BRCA2: variants seen among roughly 807,000 people sequenced by gnomAD.
The protein encoded by BRCA2 is breast cancer type 2 susceptibility protein.
In BRCA2, 203 loss-of-function variants were observed where a neutral mutation model predicts 276.7. That is an observed-to-expected ratio of 0.73 (90% CI 0.65 to 0.82). BRCA2 has a LOEUF of 0.82. BRCA2 is among the 40% of genes least tolerant of loss of function. The pLI is 0.00. For missense variants in BRCA2, 3,920 were observed against 3,915.0 expected (o/e 1.00, Z -0.03); for synonymous variants, 1,289 against 1,338.4 (o/e 0.96, Z 0.81).
intron 9 of BRCA2, among the ~76,000 whole-genome samples, chr13:32,331,556 G>A (rs766261567): frequency 5.9e-5 from 9 of 152,120 alleles, no homozygotes; most frequent in Non-Finnish European, 1.2e-4. Flanking sequence ...GAGTGAGACC[G>A]TGTCTCAATG....
At chr13:32,367,074 A>G (rs904459396) in intron 18 of BRCA2, among the ~76,000 whole-genome samples, 2 of 152,306 alleles carry the variant, frequency 1.3e-5, no homozygotes, top group African/African-American at 4.8e-5. Flanking sequence ...TGTCATGTCA[A>G]AAGGACTTAG....
chr13:32,333,538 C>A, intron 10 of BRCA2, 151 bp downstream of exon 10: 2 of 901,336 alleles, frequency 2.2e-6, no homozygotes, highest in Non-Finnish European at 3.3e-6. Flanking sequence ...CTTTAATTAC[C>A]AGTGTTTAGA....
Position 32,319,433 on chromosome 13 carries a change from A to G in BRCA2, c.316+108A>G, listed in dbSNP as rs115376548. On this transcript the variant is annotated intron_variant, in intron 3 of 26. Coordinates refer to ENST00000380152, the MANE Select transcript of BRCA2 (RefSeq NM_000059.4). Reference sequence around the variant, plus strand: ...TTAATTGTGTCATGCTGGGCAAATCAGTCTCTCTGGCCTCTTTTTCCTCAC... The same window carrying G: ...TTAATTGTGTCATGCTGGGCAAATCGGTCTCTCTGGCCTCTTTTTCCTCAC... The G allele has an allele frequency of 1.5e-3, 1,770 of 1,141,980 alleles. 22 individuals carry two copies. The African/African-American group carries it at 0.024, about 16-fold the overall frequency. The allele number at this position is 1,141,980 out of a possible 1,614,324, so 70.7% of individuals were successfully genotyped here.
Position 32,369,218 on chromosome 13 carries a change from AT to A in BRCA2, c.8332-1173del, listed in dbSNP as rs200007569. 0.044 allele frequency among the ~76,000 whole-genome samples: 6,197 copies of A among 141,472 alleles called. 212 individuals are homozygous for A. Among genetic ancestry groups the A allele is most frequent in the South Asian group, 0.12 (545 of 4,430 alleles). 92.8% of individuals were successfully genotyped at this position (141,472 alleles called of 152,430 possible). On this transcript the variant is annotated intron_variant, in intron 18 of 26. Transcript: ENST00000380152. The stretch of plus-strand genomic sequence containing the variant: ...CCCTCCAGAAAATAAAGTCTCCTGC[AT>A]TTTTTTTTTTAATGCTGCAGCAAGA...
chr13:32,381,465 G>A (rs2072923929), intron 24 of BRCA2, among the ~76,000 whole-genome samples: 1 of 152,132 alleles, frequency 6.6e-6, no homozygotes. Flanking sequence ...TTTGAGTGAA[G>A]CTTGAAGGAA....
intron 24 of BRCA2, among the ~76,000 whole-genome samples, chr13:32,387,197 A>G (rs182208426): frequency 6.6e-6 from 1 of 152,362 alleles, no homozygotes; most frequent in Non-Finnish European, 1.5e-5. Context: ...CTGAAGGCAC[A>G]AACTATTTCA....
In BRCA2 at chr13:32,392,129, A is replaced by G. The variant is rs556620484; in HGVS notation, c.9257-2560A>G. ...AAAGCAGTGTTTAAAATTAAGATCCATTAAATAAATTTGAAATGAAAAGAA... is the reference window on the plus strand; with the variant it reads ...AAAGCAGTGTTTAAAATTAAGATCCGTTAAATAAATTTGAAATGAAAAGAA... On this transcript the variant is annotated intron_variant, in intron 24 of 26. Coordinates refer to ENST00000380152, the MANE Select transcript of BRCA2 (RefSeq NM_000059.4). 8.5e-5 allele frequency among the ~76,000 whole-genome samples: 13 copies of G among 152,362 alleles called. 1 individual carries two copies. The East Asian group carries it at 2.1e-3, about 25-fold the overall frequency.
chr13:32,376,752 T>C lies in BRCA2; in HGVS notation c.8715T>C (p.Tyr2905=), dbSNP rs45555831. ...VRALQDGAEL[Y]EAVKNAADPA... is the part of the protein sequence containing the mutation. ...CTTTGCAAGATGGTGCAGAGCTTTATGAAGCAGTGAAGAATGCAGCAGACC... is the reference window on the plus strand; with the variant it reads ...CTTTGCAAGATGGTGCAGAGCTTTACGAAGCAGTGAAGAATGCAGCAGACC... Residue 2905 remains tyrosine, a synonymous_variant, in exon 21 of 27, where the codon TAT becomes TAC. Transcript: ENST00000380152. 7 of 1,614,190 alleles carry C rather than the reference T, an allele frequency of 4.3e-6. No homozygotes were observed. In the South Asian group the frequency reaches 6.6e-5, roughly 15 times the overall value.
Position 32,333,253 on chromosome 13 carries a change from A to G in BRCA2, c.1775A>G (p.Tyr592Cys), listed in dbSNP as rs772156559. 1 of 1,610,368 alleles carries G rather than the reference A, an allele frequency of 6.2e-7. No individual in the cohort carries two copies. Among genetic ancestry groups the G allele is most frequent in the African/African-American group, 1.3e-5 (1 of 74,658 alleles). ...AAAAAGAAAACAAATAAGTTTATTTATGCTATACATGATGAAACATCTTAT... is the reference window on the plus strand; with the variant it reads ...AAAAAGAAAACAAATAAGTTTATTTGTGCTATACATGATGAAACATCTTAT... ...TLKKKTNKFIYAIHDETSYKG... is the reference protein window; with the variant it reads ...TLKKKTNKFICAIHDETSYKG... Residue 592 changes from tyrosine to cysteine, a missense_variant, in exon 10 of 27, where the codon TAT becomes TGT. By Grantham distance (194) the Tyr-to-Cys change is radical. This residue lies in a region of BRCA2 where 3,263 missense variants were observed against 3,156.9 expected (regional missense o/e 1.03). Coordinates refer to ENST00000380152, the MANE Select transcript of BRCA2 (RefSeq NM_000059.4).
At chr13:32,328,868 G>C (rs1003102385) in intron 7 of BRCA2, among the ~76,000 whole-genome samples, 1 of 149,762 alleles carries the variant, frequency 6.7e-6, no homozygotes, top group Non-Finnish European at 1.5e-5. Context: ...TGTGTGTGCA[G>C]TCATAAAGTG....
In BRCA2 at chr13:32,339,404, G is replaced by A. The variant is rs773973434; in HGVS notation, c.5049G>A (p.Gln1683=). The change falls in exon 11 of 27, where the codon CAG becomes CAA. Residue 1683 remains glutamine, a synonymous_variant. Coordinates refer to ENST00000380152, the MANE Select transcript of BRCA2 (RefSeq NM_000059.4). ...GTAGTAGAAAAACTTCTGTGAGTCA[G>A]ACTTCATTACTTGAAGCAAAAAAAT... The part of the protein sequence containing the change: ...TSCSRKTSVS[Q]TSLLEAKKWL... 6.3e-6 allele frequency: 10 copies of A among 1,595,814 alleles called. No homozygotes were observed.
At chr13:32,352,767 GA>G (rs1456464020) in intron 13 of BRCA2, among the ~76,000 whole-genome samples, 3 of 152,196 alleles carry the variant, frequency 2.0e-5, no homozygotes, top group African/African-American at 7.2e-5. Flanking sequence ...TGGTGTTTTA[GA>G]AGTATACCAA....
chr13:32,345,681 A>C (rs1010064386), intron 12 of BRCA2, among the ~76,000 whole-genome samples: 3 of 152,054 alleles, frequency 2.0e-5, no homozygotes, highest in African/African-American at 7.2e-5. Context: ...ATACATAATG[A>C]GATATCTGGG....
In BRCA2 at chr13:32,360,350, T is replaced by C. The variant is rs1215177047; in HGVS notation, c.7806-2173T>C. Among the ~76,000 whole-genome samples, 5 of 152,154 alleles carry C rather than the reference T, an allele frequency of 3.3e-5. 1 individual carries two copies. The highest frequency in any genetic ancestry group is 3.3e-4 in the Admixed American group (5 of 15,274). On this transcript the variant is annotated intron_variant, in intron 16 of 26. Transcript: ENST00000380152. The stretch of plus-strand genomic sequence containing the variant: ...TTTACTGAATAAACCACTGGAAGGC[T>C]TAAAGGGTAACATGATCTGACTTTT...
intron 11 of BRCA2, among the ~76,000 whole-genome samples, chr13:32,342,900 G>T (rs961940243): frequency 1.3e-5 from 2 of 152,068 alleles, no homozygotes; most frequent in Non-Finnish European, 2.9e-5. Context: ...ATAAAAATTA[G>T]CTGGGCATGG....
At chr13:32,315,791 C>G (rs1443961199) in intron 1 of BRCA2, 124 bp downstream of exon 1, 1 of 153,410 alleles carries the variant, frequency 6.5e-6, no homozygotes, top group Non-Finnish European at 1.5e-5. Flanking sequence ...CTCTGCCAAC[C>G]CCCACCCATG....
chr13:32,337,154 A>G lies in BRCA2; in HGVS notation c.2799A>G (p.Thr933=), dbSNP rs2072465072. The change falls in exon 11 of 27, where the codon ACA becomes ACG. Residue 933 remains threonine, a synonymous_variant. Coordinates refer to ENST00000380152, the MANE Select transcript of BRCA2 (RefSeq NM_000059.4). ...KNSTMVLYGD[T]GDKQATQVSI... The stretch of plus-strand genomic sequence containing the variant: ...CTACCATGGTTTTATATGGAGACAC[A>G]GGTGATAAACAAGCAACCCAAGTGT... 1 of 1,613,860 alleles carries G rather than the reference A, an allele frequency of 6.2e-7. No homozygotes were observed. Among genetic ancestry groups the G allele is most frequent in the East Asian group, 2.2e-5 (1 of 44,824 alleles).
chr13:32,379,329 G>A lies in BRCA2; in HGVS notation c.8767G>A (p.Glu2923Lys), dbSNP rs1334458965. The change falls in exon 22 of 27, where the codon GAA (glutamate) becomes AAA (lysine). Residue 2923 changes from glutamate to lysine, a missense_variant. By Grantham distance (56) the Glu-to-Lys change is moderately conservative. Around this residue, in one of 2 missense-constraint regions of BRCA2, gnomAD observed 657 missense variants for 758.2 expected, o/e 0.87. Transcript: ENST00000380152. Reference sequence around the variant, plus strand: ...TAAATGGTCACAGGGTTATTTCAGTGAAGAGCAGTTAAGAGCCTTGAATAA... The same window carrying A: ...TAAATGGTCACAGGGTTATTTCAGTAAAGAGCAGTTAAGAGCCTTGAATAA... The part of the protein sequence containing the change: ...DPAYLEGYFS[E>K]EQLRALNNHR... 1.9e-6 allele frequency: 3 copies of A among 1,613,632 alleles called. No homozygotes were observed. The highest frequency in any genetic ancestry group is 2.5e-6 in the Non-Finnish European group (3 of 1,179,782).
intron 18 of BRCA2, 151 bp downstream of exon 18, chr13:32,363,684 T>A: frequency 1.2e-6 from 1 of 829,300 alleles, no homozygotes; most frequent in Non-Finnish European, 1.8e-6. Flanking sequence ...TTCAGACAGT[T>A]AAAGTTTTTG....
Sources: allele counts gnomAD v4.1 joint callset (sites outside exome capture counted in the v4.1 genomes callset), GRCh38; gene constraint gnomAD v4.1.1; regional missense constraint gnomAD v4.1.1; transcripts MANE v1.5; gene names NCBI Gene and HGNC (gene_info 2026-07-23, HGNC 2026-07-21).